SEL1L: variants seen among roughly 807,000 people sequenced by gnomAD.
SEL1L encodes the protein protein sel-1 homolog 1.
SEL1L carries 52 observed loss-of-function variants against 109.8 expected under a neutral mutation model. The observed-to-expected ratio is 0.47, with a 90% confidence interval of 0.38 to 0.60. The LOEUF (loss-of-function observed/expected upper bound fraction) is 0.60, where lower values mean the gene tolerates loss of function less well. SEL1L is among the 20% of genes least tolerant of loss of function. The pLI is 0.00. For missense variants in SEL1L, 749 were observed against 962.2 expected (o/e 0.78, Z 2.93); for synonymous variants, 373 against 339.6 (o/e 1.10, Z -1.08).
At chr14:81,506,318 G>A (rs1314960438) in intron 3 of SEL1L, 77 bp from the exon 4 acceptor site, 17 of 1,321,356 alleles carry the variant, frequency 1.3e-5, no homozygotes, top group South Asian at 3.2e-5. Context: ...ATCAATTTTG[G>A]CTGTTGGAAT....
Position 81,533,818 on chromosome 14 carries a change from G to A in SEL1L, c.-74C>T, listed in dbSNP as rs111575451. On this transcript the variant is annotated 5_prime_UTR_variant, in exon 1 of 21. Transcript: ENST00000336735. Reference sequence around the variant, plus strand: ...TGCCACCACGGACTCAGCCACCACCGCCGCCTCGCCGCTGCTCTTCCTGCT... The same window carrying A: ...TGCCACCACGGACTCAGCCACCACCACCGCCTCGCCGCTGCTCTTCCTGCT... The A allele has an allele frequency of 7.9e-6, 11 of 1,394,088 alleles. No homozygotes were observed. The highest frequency in any genetic ancestry group is 7.6e-5 in the Admixed American group (4 of 52,786). The allele number at this position is 1,394,088 out of a possible 1,614,324, so 86.4% of individuals were successfully genotyped here. A position where few individuals can be genotyped will look rare whatever the true frequency, so the allele number is the denominator to read the frequency against.
chr14:81,492,707 A>T (rs1595510068), intron 11 of SEL1L, among the ~76,000 whole-genome samples, 159 bp from the exon 12 acceptor site: 1 of 152,256 alleles, frequency 6.6e-6, no homozygotes, highest in East Asian at 1.9e-4. Context: ...AAGAGAAATC[A>T]GTACATCTAG....
intron 18 of SEL1L, chr14:81,484,626 G>T: frequency 2.5e-6 from 1 of 406,032 alleles, no homozygotes. Flanking sequence ...GTAAAACCAA[G>T]TTGGTGTGTG....
chr14:81,530,918 G>C (rs960563055), intron 1 of SEL1L, among the ~76,000 whole-genome samples: 2 of 152,154 alleles, frequency 1.3e-5, no homozygotes, highest in Non-Finnish European at 2.9e-5. Context: ...TAACATAACA[G>C]TAAGTATTTG....
chr14:81,533,665 G>A lies in SEL1L; in HGVS notation c.70+10C>T. 1 of 1,611,950 alleles carries A rather than the reference G, an allele frequency of 6.2e-7. No homozygotes were observed. Among genetic ancestry groups the A allele is most frequent in the Non-Finnish European group, 8.5e-7 (1 of 1,179,496 alleles). On this transcript the variant is annotated intron_variant, in intron 1 of 20. Coordinates refer to ENST00000336735, the MANE Select transcript of SEL1L (RefSeq NM_005065.6). Reference sequence around the variant, plus strand: ...CTCTGGGCCTTCAGCCCGAGGGGGCGGATACTGACCCGAGGACGCCGAGGC... The same window carrying A: ...CTCTGGGCCTTCAGCCCGAGGGGGCAGATACTGACCCGAGGACGCCGAGGC...
At chr14:81,502,977 C>T in intron 5 of SEL1L, 94 bp from the exon 6 acceptor site, 1 of 1,004,076 alleles carries the variant, frequency 1.0e-6, no homozygotes, top group Non-Finnish European at 1.4e-6. Flanking sequence ...AAATAATTTC[C>T]TTATGTTACA....
rs761432962 is a variant in SEL1L at position 81,506,028 on chromosome 14, T to C, written c.508+46A>G. 1.7e-5 allele frequency: 27 copies of C among 1,587,458 alleles called. 1 individual carries two copies. In the South Asian group the frequency reaches 2.4e-4, roughly 14 times the overall value. On this transcript the variant is annotated intron_variant, in intron 4 of 20. Coordinates refer to ENST00000336735, the MANE Select transcript of SEL1L (RefSeq NM_005065.6). ...GAAAAAGGCCTTAAAAACATTGCCC[T>C]AGACATAAAGCAATGCAGATCTGCC...
At chr14:81,513,060 ACT>A in intron 3 of SEL1L, among the ~76,000 whole-genome samples, 2 of 152,264 alleles carry the variant, frequency 1.3e-5, no homozygotes, top group Admixed American at 1.3e-4. Flanking sequence ...ACCAATCAGC[ACT>A]CTGTGTCTAG....
At chr14:81,497,820 C>A (rs1883831407) in intron 10 of SEL1L, 72 bp downstream of exon 10, 10 of 1,386,088 alleles carry the variant, frequency 7.2e-6, no homozygotes, top group Non-Finnish European at 8.9e-6. Flanking sequence ...GATATAAGTG[C>A]TTGCTCCCGT....
intron 4 of SEL1L, 22 bp from the exon 5 acceptor site, chr14:81,504,328 C>T: frequency 1.3e-6 from 2 of 1,508,970 alleles, no homozygotes; most frequent in South Asian, 1.2e-5. Flanking sequence ...ACGTCAGATG[C>T]ATTTAAATGG....
chr14:81,526,959 A>C lies in SEL1L; in HGVS notation c.114T>G (p.Thr38=). The C allele has an allele frequency of 1.9e-6, 3 of 1,606,474 alleles. No individual in the cohort carries two copies. Among genetic ancestry groups the C allele is most frequent in the Non-Finnish European group, 2.6e-6 (3 of 1,173,728 alleles). ...SQDESLDSKT[T]LTSDESVKDH... is the part of the protein sequence containing the mutation. Reference sequence around the variant, plus strand: ...CCTTTACTGACTCATCTGATGTCAAAGTAGTCTGAGAATATAAAGTATTTT... The same window carrying C: ...CCTTTACTGACTCATCTGATGTCAACGTAGTCTGAGAATATAAAGTATTTT... The change falls in exon 3 of 21, where the codon ACT becomes ACG. Residue 38 remains threonine (T), a synonymous_variant. Coordinates refer to ENST00000336735, the MANE Select transcript of SEL1L (RefSeq NM_005065.6).
chr14:81,502,905 A>C (rs749470327), intron 5 of SEL1L, 22 bp from the exon 6 acceptor site: 1 of 1,563,554 alleles, frequency 6.4e-7, no homozygotes, highest in Non-Finnish European at 8.7e-7. Context: ...AACAATTAAA[A>C]ACCAAATTAG....
intron 19 of SEL1L, among the ~76,000 whole-genome samples, 190 bp downstream of exon 19, chr14:81,484,035 A>C (rs1903442627): frequency 1.3e-5 from 2 of 152,242 alleles, no homozygotes; most frequent in African/African-American, 4.8e-5. Flanking sequence ...AACAGCGTGG[A>C]TAGCAGTATC....
rs1300447609 is a variant in SEL1L at position 81,515,960 on chromosome 14, G to A, written c.341-9719C>T. ...GACAAACAAACCTTGGTGGTTCAAA[G>A]AGGACAGAAAATAGAGGAGGCCAAT... On this transcript the variant is annotated intron_variant, in intron 3 of 20. Coordinates refer to ENST00000336735, the MANE Select transcript of SEL1L (RefSeq NM_005065.6). Among the ~76,000 whole-genome samples, 3 of 152,184 alleles carry A rather than the reference G, an allele frequency of 2.0e-5. No homozygotes were observed. In the East Asian group the frequency reaches 5.8e-4, roughly 29 times the overall value.
intron 1 of SEL1L, among the ~76,000 whole-genome samples, chr14:81,531,302 A>G (rs1885312665): frequency 1.3e-5 from 2 of 152,356 alleles, no homozygotes; most frequent in Non-Finnish European, 2.9e-5. Context: ...ACATGCTTCT[A>G]AAACATGATA....
chr14:81,472,965 CA>C lies in SEL1L; in HGVS notation c.*4006del. 1 of 166,144 alleles carries C rather than the reference CA, an allele frequency of 6.0e-6. No homozygotes were observed. The highest frequency in any genetic ancestry group is 1.3e-5 in the Non-Finnish European group (1 of 76,162). The allele number at this position is 166,144 out of a possible 1,614,324, so 10.3% of individuals were successfully genotyped here. On this transcript the variant is annotated 3_prime_UTR_variant, in exon 21 of 21. Transcript: ENST00000336735. ...ATTTCACAAGTTTCAAGATACAGTA[CA>C]AAACGATTCTGTACATCTCTCTATT...
chr14:81,499,048 T>C lies in SEL1L; in HGVS notation c.891+411A>G, dbSNP rs184936657. The C allele has an allele frequency of 1.7e-3, 1,397 of 827,538 alleles. 3 individuals are homozygous for C. The Middle Eastern group carries it at 0.02, about 12-fold the overall frequency. 51.3% of individuals were successfully genotyped at this position (827,538 alleles called of 1,614,324 possible). A position where few individuals can be genotyped will look rare whatever the true frequency, so the allele number is the denominator to read the frequency against. On this transcript the variant is annotated intron_variant, in intron 8 of 20. Transcript: ENST00000336735. ...ATGAATTTTAACAATTCTTAGGGCA[T>C]TGTTGCAAAATATTGTATAATATTT...
chr14:81,532,924 G>A (rs1424740786), intron 1 of SEL1L, among the ~76,000 whole-genome samples: 1 of 151,946 alleles, frequency 6.6e-6, no homozygotes, highest in South Asian at 2.1e-4. Context: ...TTCAAATGTA[G>A]GCAGATTAAA....
intron 19 of SEL1L, 72 bp downstream of exon 19, chr14:81,484,153 T>A: frequency 2.0e-6 from 3 of 1,475,196 alleles, no homozygotes; most frequent in Non-Finnish European, 1.9e-6. Context: ...GAAAGTCTAT[T>A]TTCTATACAA....
Sources: allele counts gnomAD v4.1 joint callset (sites outside exome capture counted in the v4.1 genomes callset), GRCh38; gene constraint gnomAD v4.1.1; transcripts MANE v1.5; gene names NCBI Gene and HGNC (gene_info 2026-07-23, HGNC 2026-07-21).